Variants in ANKRD44 observed in about 807,000 individuals in gnomAD.
ANKRD44 encodes the protein ankyrin repeat domain 44, also known as serine/threonine-protein phosphatase 6 regulatory ankyrin repeat subunit B.
A neutral mutation model predicts 116.0 loss-of-function variants in ANKRD44; 35 were observed. The observed-to-expected ratio is 0.30, with a 90% confidence interval of 0.23 to 0.40. ANKRD44 has a LOEUF of 0.40. ANKRD44 is among the 10% of genes least tolerant of loss of function. ANKRD44 has a pLI of 1.00. For missense variants in ANKRD44, 1,014 were observed against 1,242.6 expected (o/e 0.82, Z 2.77); for synonymous variants, 435 against 461.8 (o/e 0.94, Z 0.74).
At chr2:197,050,944 T>G (rs769728605) in intron 16 of ANKRD44, among the ~76,000 whole-genome samples, 6 of 150,796 alleles carry the variant, frequency 4.0e-5, no homozygotes, top group Admixed American at 1.3e-4. Context: ...TCTCTACATG[T>G]GAAATTATTC....
At chr2:197,251,011 T>C (rs2082304259) in intron 1 of ANKRD44, 1 of 152,248 alleles carries the variant, frequency 6.6e-6, no homozygotes. Context: ...GAAGAAAAAC[T>C]CTTGTTAACA....
chr2:197,157,230 G>C (rs2079840682), intron 2 of ANKRD44, among the ~76,000 whole-genome samples: 1 of 152,116 alleles, frequency 6.6e-6, no homozygotes, highest in South Asian at 2.1e-4. Context: ...AATTTATTCA[G>C]TTAATAGAAG....
At position 196,998,298 on chromosome 2, in the gene ANKRD44, A is replaced by C. The variant is rs745934493; in HGVS notation, c.2748+39T>G. On this transcript the variant is annotated intron_variant, in intron 25 of 27. Coordinates refer to ENST00000282272, the MANE Select transcript of ANKRD44 (RefSeq NM_001195144.2). ...CAGTGTTATTATTACTGTTATTATT[A>C]TAACGTGAAGTAATAATATTTTAAA... The C allele has an allele frequency of 5.6e-6, 8 of 1,420,018 alleles. No individual in the cohort carries two copies. The African/African-American group carries it at 1.1e-4, about 20-fold the overall frequency. The allele number at this position is 1,420,018 out of a possible 1,614,324, so 88.0% of individuals were successfully genotyped here.
chr2:197,216,869 A>AACACACAC (rs61641385), intron 1 of ANKRD44, among the ~76,000 whole-genome samples: 6,738 of 139,724 alleles, frequency 0.048, 267 homozygotes, highest in African/African-American at 0.094. Context: ...ACATTGGTTA[A>AACACACAC]ACACACACAC....
At position 196,995,473 on chromosome 2, in the gene ANKRD44, A is replaced by G. The variant is rs754666640; in HGVS notation, c.2749-12T>C. The G allele has an allele frequency of 5.5e-5, 87 of 1,574,010 alleles. 2 individuals carry two copies. In the Admixed American group the frequency reaches 1.4e-3, roughly 25 times the overall value. On this transcript the variant is annotated splice_polypyrimidine_tract_variant and intron_variant, in intron 25 of 27. Coordinates refer to ENST00000282272, the MANE Select transcript of ANKRD44 (RefSeq NM_001195144.2). ...CATTTTTCATGACCCTAATAAAGAA[A>G]AAGAATGATAAGAAATGCAAGATAG...
chr2:197,071,923 T>C (rs1198481453), intron 16 of ANKRD44, among the ~76,000 whole-genome samples: 1 of 152,172 alleles, frequency 6.6e-6, no homozygotes, highest in African/African-American at 2.4e-5. Flanking sequence ...GTTCCAACCC[T>C]TACTAGGCTG....
chr2:197,261,187 C>A (rs1375996667), intron 1 of ANKRD44, among the ~76,000 whole-genome samples: 1 of 151,262 alleles, frequency 6.6e-6, no homozygotes, highest in Non-Finnish European at 1.5e-5. Context: ...CCTAGGTTTT[C>A]TTCTAGGGTT....
chr2:197,279,475 G>C (rs185986326), intron 1 of ANKRD44, among the ~76,000 whole-genome samples: 1 of 152,114 alleles, frequency 6.6e-6, no homozygotes, highest in Non-Finnish European at 1.5e-5. Flanking sequence ...ACTCCTTAGC[G>C]GGTTTTCACA....
At chr2:197,259,295 TATATAC>T (rs1197015383) in intron 1 of ANKRD44, among the ~76,000 whole-genome samples, 2 of 152,176 alleles carry the variant, frequency 1.3e-5, no homozygotes, top group Non-Finnish European at 2.9e-5. Flanking sequence ...CCTGCTTACT[TATATAC>T]ATCTGTGTCC....
At chr2:196,989,964 A>G in intron 27 of ANKRD44, 4 of 1,044,190 alleles carry the variant, frequency 3.8e-6, no homozygotes, top group Non-Finnish European at 3.5e-6. Context: ...TTTTCACCTG[A>G]AATGTTATTA....
chr2:197,103,715 T>G (rs1403037562), intron 9 of ANKRD44, among the ~76,000 whole-genome samples: 2 of 152,156 alleles, frequency 1.3e-5, no homozygotes, highest in Admixed American at 1.3e-4. Flanking sequence ...TTGTAGAAAA[T>G]TTAGAAGATG....
chr2:197,209,677 T>G (rs2081284293), intron 1 of ANKRD44, among the ~76,000 whole-genome samples: 1 of 152,232 alleles, frequency 6.6e-6, no homozygotes, highest in Admixed American at 6.5e-5. Flanking sequence ...CATCAAGAAT[T>G]AAACATTGGT....
At chr2:197,112,436 G>A (rs571135281) in intron 8 of ANKRD44, among the ~76,000 whole-genome samples, 67 of 152,284 alleles carry the variant, frequency 4.4e-4, no homozygotes, top group African/African-American at 1.5e-3. Flanking sequence ...TGGGCCAGGC[G>A]CAGTGGCTCA....
At chr2:197,024,229 CAT>C (rs2076548565) in intron 17 of ANKRD44, among the ~76,000 whole-genome samples, 1 of 152,236 alleles carries the variant, frequency 6.6e-6, no homozygotes, top group Non-Finnish European at 1.5e-5. Context: ...CTTATGTACA[CAT>C]AGTATTAAGT....
rs959720052 is a variant in ANKRD44, at chr2:197,201,621, A to G, written c.28-14515T>C. 5.3e-5 allele frequency among the ~76,000 whole-genome samples: 8 copies of G among 152,216 alleles called. No homozygotes were observed. Among genetic ancestry groups the G allele is most frequent in the African/African-American group, 1.9e-4 (8 of 41,446 alleles). On this transcript the variant is annotated intron_variant, in intron 1 of 27. Coordinates refer to ENST00000282272, the MANE Select transcript of ANKRD44 (RefSeq NM_001195144.2). The surrounding 1 kb of genome is among the most constrained non-coding windows in gnomAD (Gnocchi z 4.0). ...GTTAAATCTAGATTTGGGAATCTGC[A>G]CTGCACACCTTATGTCAAAACTCAG...
chr2:197,208,634 A>T (rs2081259803), intron 1 of ANKRD44, among the ~76,000 whole-genome samples: 1 of 152,018 alleles, frequency 6.6e-6, no homozygotes, highest in Admixed American at 6.6e-5. Flanking sequence ...CCCCGTCTCT[A>T]CTAAAAATAC....
At chr2:196,989,927 T>C in intron 27 of ANKRD44, 2 of 1,101,272 alleles carry the variant, frequency 1.8e-6, no homozygotes, top group Non-Finnish European at 2.2e-6. Flanking sequence ...TTTTTGCATA[T>C]TGTGTCAAAG....
intron 10 of ANKRD44, among the ~76,000 whole-genome samples, chr2:197,097,933 A>G (rs142980529): frequency 4.3e-4 from 65 of 152,264 alleles, no homozygotes; most frequent in African/African-American, 1.5e-3. Context: ...CCACCCACCA[A>G]ACATCCAATG....
At chr2:197,159,233 A>C (rs768004389) in intron 2 of ANKRD44, among the ~76,000 whole-genome samples, 1 of 152,202 alleles carries the variant, frequency 6.6e-6, no homozygotes, top group Non-Finnish European at 1.5e-5. Context: ...AGTTCTTTCC[A>C]AGTTTTTTTC....
Sources: allele counts gnomAD v4.1 joint callset (sites outside exome capture counted in the v4.1 genomes callset), GRCh38; gene constraint gnomAD v4.1.1; non-coding constraint Gnocchi (gnomAD v3.1); transcripts MANE v1.5; gene names NCBI Gene and HGNC (gene_info 2026-07-23, HGNC 2026-07-21).